Variants in R3HDM2 observed in about 807,000 individuals in gnomAD.
The protein encoded by R3HDM2 is R3H domain containing 2, also known as R3H domain-containing protein 2.
R3HDM2 carries 38 observed loss-of-function variants against 124.5 expected under a neutral mutation model. The observed-to-expected ratio is 0.31, with a 90% CI of 0.24 to 0.40. The LOEUF is 0.40. Ranked by LOEUF, R3HDM2 falls within the 10% of genes least tolerant of loss-of-function variation. The probability of loss-of-function intolerance (pLI) is 1.00; values close to 1 mark genes in which losing one functional copy is unlikely to be tolerated. For missense variants in R3HDM2, 869 were observed against 1,236.9 expected (o/e 0.70, Z 4.46); for synonymous variants, 391 against 448.0 (o/e 0.87, Z 1.61).
chr12:57,328,395 C>T (rs1438576938), intron 2 of R3HDM2, among the ~76,000 whole-genome samples: 1 of 151,920 alleles, frequency 6.6e-6, no homozygotes, highest in African/African-American at 2.4e-5. Context: ...CCACAGCTAC[C>T]CCAACCTTTA....
intron 1 of R3HDM2, among the ~76,000 whole-genome samples, chr12:57,423,678 G>T (rs1371704293): frequency 6.6e-6 from 1 of 150,818 alleles, no homozygotes; most frequent in Non-Finnish European, 1.5e-5. Context: ...CAGACGTGGT[G>T]GCGGGCACCT....
At chr12:57,424,114 CAAAAAAAAAAAA>C (rs35579430) in intron 1 of R3HDM2, among the ~76,000 whole-genome samples, 1,745 of 64,002 alleles carry the variant, frequency 0.027, 55 homozygotes, top group African/African-American at 0.094. Flanking sequence ...AACTCTGTCT[CAAAAAAAAAAAA>C]AAAAAAAAAA....
chr12:57,359,054 A>G (rs2061600248), intron 2 of R3HDM2, among the ~76,000 whole-genome samples: 1 of 151,904 alleles, frequency 6.6e-6, no homozygotes, highest in Non-Finnish European at 1.5e-5. Context: ...AGTAGCTGGG[A>G]CTACAGGCGC....
intron 2 of R3HDM2, among the ~76,000 whole-genome samples, chr12:57,365,532 TTTC>T (rs1256518456): frequency 2.0e-5 from 3 of 152,234 alleles, no homozygotes; most frequent in African/African-American, 7.2e-5. Flanking sequence ...TTGGTATAAC[TTTC>T]TTCATGATTT....
At chr12:57,370,510 C>A (rs2063219349) in intron 2 of R3HDM2, among the ~76,000 whole-genome samples, 1 of 150,982 alleles carries the variant, frequency 6.6e-6, no homozygotes. Context: ...CATGGTGGTG[C>A]ATGCCTGTAA....
At chr12:57,297,431 A>G (rs1243857741) in intron 7 of R3HDM2, 44 bp from the exon 8 acceptor site, 2 of 1,272,262 alleles carry the variant, frequency 1.6e-6, no homozygotes, top group South Asian at 2.7e-5. Flanking sequence ...AACAAAAAGC[A>G]GCCCTCCCAT....
chr12:57,280,474 G>A lies in R3HDM2; in HGVS notation c.1228C>T (p.Arg410Trp), dbSNP rs754924568. 22 of 1,613,870 alleles carry A rather than the reference G, an allele frequency of 1.4e-5. No individual in the cohort carries two copies. Among genetic ancestry groups the A allele is most frequent in the African/African-American group, 2.7e-5 (2 of 74,922 alleles). ...TGGGCAGTACAAGGGAGAAGCCCCC[G>A]GACAGACTGGGATGAGGTGACCTGG... Reference protein sequence around the residue: ...CNQVTSSQSVRGLLPCTAQQQ... With the variant: ...CNQVTSSQSVWGLLPCTAQQQ... The change falls in exon 14 of 24, where the codon CGG becomes TGG. Residue 410 changes from arginine to tryptophan, a missense_variant. Coordinates refer to ENST00000402412, the MANE Select transcript of R3HDM2 (RefSeq NM_001394031.1).
At chr12:57,344,703 G>A (rs919517726) in intron 2 of R3HDM2, among the ~76,000 whole-genome samples, 6 of 152,094 alleles carry the variant, frequency 3.9e-5, no homozygotes, top group Non-Finnish European at 8.8e-5. Flanking sequence ...CACTTGATGA[G>A]TTCAACAGCA....
At chr12:57,391,991 G>A (rs921110056) in intron 2 of R3HDM2, among the ~76,000 whole-genome samples, 45 of 152,136 alleles carry the variant, frequency 3.0e-4, no homozygotes, top group African/African-American at 8.9e-4. Context: ...GCAAAATCCT[G>A]TCTCTACTAA....
rs529306740 is a variant in R3HDM2, at chr12:57,366,426, T to C, written c.-36+29323A>G. Among the ~76,000 whole-genome samples, 32 of 152,376 alleles carry C rather than the reference T, an allele frequency of 2.1e-4. 2 individuals are homozygous for C. The South Asian group carries it at 6.6e-3, about 32-fold the overall frequency. On this transcript the variant is annotated intron_variant, in intron 2 of 23. Coordinates refer to ENST00000402412, the MANE Select transcript of R3HDM2 (RefSeq NM_001394031.1). The stretch of plus-strand genomic sequence containing the variant: ...GATCTGCTGTAAATCCTGGGCACTA[T>C]ATTTCTCATCTCAGACACTGCAGTT...
Position 57,280,524 on chromosome 12 carries a change from G to A in R3HDM2, c.1178C>T (p.Ala393Val), listed in dbSNP as rs556292007. The change falls in exon 14 of 24, where the codon GCA (alanine) becomes GTA (valine). Residue 393 changes from alanine (A) to valine (V), a missense_variant. Ala to Val is a moderately conservative substitution (Grantham distance 64). Around this residue, in one of 2 missense-constraint regions of R3HDM2, gnomAD observed 602 missense variants for 789.2 expected, o/e 0.76. Transcript: ENST00000402412. The part of the protein sequence containing the change: ...SAGRISRPGM[A>V]LGAPEVCNQV... ...GTTGCACACTTCTGGGGCACCTAGT[G>A]CCATACCTAAGGCAAAGAAGAAACC... The A allele has an allele frequency of 1.4e-5, 22 of 1,600,568 alleles. No individual in the cohort carries two copies. In the East Asian group the frequency reaches 4.1e-4, roughly 30 times the overall value.
intron 2 of R3HDM2, among the ~76,000 whole-genome samples, chr12:57,361,363 G>A (rs1226575415): frequency 7.2e-5 from 7 of 97,320 alleles, no homozygotes; most frequent in African/African-American, 2.5e-4. Flanking sequence ...CATCAAGAAC[G>A]AAACTCTGTC....
intron 2 of R3HDM2, among the ~76,000 whole-genome samples, chr12:57,363,517 C>T (rs1156552104): frequency 6.6e-6 from 1 of 152,064 alleles, no homozygotes; most frequent in East Asian, 1.9e-4. Flanking sequence ...ATGTTCTATA[C>T]CACTGCAGCA....
intron 14 of R3HDM2, among the ~76,000 whole-genome samples, chr12:57,271,149 C>A (rs572856957): frequency 6.6e-6 from 1 of 152,208 alleles, no homozygotes; most frequent in Non-Finnish European, 1.5e-5. Context: ...GGCTCCCACT[C>A]CTGCTGCTTA....
chr12:57,299,715 C>T (rs1212593938), intron 5 of R3HDM2, among the ~76,000 whole-genome samples: 4 of 152,136 alleles, frequency 2.6e-5, no homozygotes, highest in African/African-American at 9.7e-5. Context: ...GTTCTTGGCA[C>T]AGGTATTGAA....
chr12:57,358,353 G>C (rs1211313056), intron 2 of R3HDM2, among the ~76,000 whole-genome samples: 1 of 152,096 alleles, frequency 6.6e-6, no homozygotes, highest in East Asian at 1.9e-4. Flanking sequence ...ATTAGTAATA[G>C]AGGCCAAGTG....
intron 2 of R3HDM2, among the ~76,000 whole-genome samples, chr12:57,390,212 T>C (rs1401006392): frequency 1.3e-5 from 2 of 151,218 alleles, no homozygotes; most frequent in South Asian, 2.1e-4. Context: ...AAAAAATATA[T>C]GAAACAATAG....
At chr12:57,321,480 GT>G (rs921643983) in intron 2 of R3HDM2, among the ~76,000 whole-genome samples, 5 of 151,750 alleles carry the variant, frequency 3.3e-5, no homozygotes, top group African/African-American at 1.2e-4. Flanking sequence ...GTGAAACCCC[GT>G]CTCTACTAAA....
chr12:57,296,893 G>A lies in R3HDM2; in HGVS notation c.561-342C>T, dbSNP rs902363514. 73 of 226,498 alleles carry A rather than the reference G, an allele frequency of 3.2e-4. No individual in the cohort carries two copies. The highest frequency in any genetic ancestry group is 1.5e-3 in the African/African-American group (67 of 43,454). The allele number at this position is 226,498 out of a possible 1,614,324, so 14.0% of individuals were successfully genotyped here. ...AGCCTGGTCAACATGGTGAAACCCCGTCTCTACAAAAAATACAAAAATTAG... is the reference window on the plus strand; with the variant it reads ...AGCCTGGTCAACATGGTGAAACCCCATCTCTACAAAAAATACAAAAATTAG... On this transcript the variant is annotated intron_variant, in intron 8 of 23. Coordinates refer to ENST00000402412, the MANE Select transcript of R3HDM2 (RefSeq NM_001394031.1). The surrounding 1 kb of genome is among the most constrained non-coding windows in gnomAD (Gnocchi z 4.5).
Sources: allele counts gnomAD v4.1 joint callset (sites outside exome capture counted in the v4.1 genomes callset), GRCh38; gene constraint gnomAD v4.1.1; regional missense constraint gnomAD v4.1.1; non-coding constraint Gnocchi (gnomAD v3.1); transcripts MANE v1.5; gene names NCBI Gene and HGNC (gene_info 2026-07-23, HGNC 2026-07-21).